Variants in KALRN observed in about 807,000 individuals in gnomAD.
KALRN encodes kalirin RhoGEF kinase, also known as kalirin.
Under a neutral mutation model 353.7 loss-of-function variants are expected in KALRN, and 70 were observed. The ratio of observed to expected loss-of-function variants is 0.20; its 90% CI spans 0.16 to 0.24. KALRN has a LOEUF of 0.24. Ranked by LOEUF, KALRN falls within the 10% of genes least tolerant of loss-of-function variation. The pLI is 1.00. For synonymous variants in KALRN, 1,391 were observed against 1,434.8 expected, an observed-to-expected ratio of 0.97 and a Z score of 0.69; for missense variants, 2,791 against 3,756.7, an observed-to-expected ratio of 0.74 and a Z score of 6.72.
intron 49 of KALRN, chr3:124,674,826 T>A: frequency 4.5e-6 from 2 of 439,894 alleles, no homozygotes; most frequent in Non-Finnish European, 3.9e-6. Context: ...GTGGTGGCGA[T>A]GATTTTTCTT....
intron 34 of KALRN, among the ~76,000 whole-genome samples, chr3:124,624,012 G>C (rs556283740): frequency 6.6e-6 from 1 of 152,318 alleles, no homozygotes; most frequent in South Asian, 2.1e-4. Context: ...GTTACCCACA[G>C]TCAACTGAGG....
chr3:124,478,893 T>C (rs928260491), intron 27 of KALRN, among the ~76,000 whole-genome samples: 3 of 152,188 alleles, frequency 2.0e-5, no homozygotes, highest in African/African-American at 7.2e-5. Context: ...TTGTGTCCTC[T>C]CCACACAACA....
intron 19 of KALRN, among the ~76,000 whole-genome samples, chr3:124,443,825 T>C (rs2093745305): frequency 6.6e-6 from 1 of 152,130 alleles, no homozygotes; most frequent in South Asian, 2.1e-4. Context: ...AGATCTGGGT[T>C]GATTCCCTCA....
intron 1 of KALRN, among the ~76,000 whole-genome samples, chr3:124,145,438 C>A (rs561239181): frequency 1.3e-5 from 2 of 152,318 alleles, no homozygotes; most frequent in Admixed American, 1.3e-4. Context: ...AGTATTGTAT[C>A]AGAGTTCCCT....
intron 6 of KALRN, among the ~76,000 whole-genome samples, chr3:124,319,229 G>A (rs543157454): frequency 6.6e-6 from 1 of 151,918 alleles, no homozygotes; most frequent in Admixed American, 6.5e-5. Context: ...AGTTTGGGAG[G>A]CTGAGAAGAC....
At chr3:124,222,296 G>A (rs1429986516) in intron 1 of KALRN, among the ~76,000 whole-genome samples, 1 of 152,192 alleles carries the variant, frequency 6.6e-6, no homozygotes, top group East Asian at 1.9e-4. Flanking sequence ...TAATGCCCTG[G>A]AGGGGGAATT....
At chr3:124,055,214 G>T (rs1272022534) in intron 1 of KALRN, among the ~76,000 whole-genome samples, 1 of 152,218 alleles carries the variant, frequency 6.6e-6, no homozygotes, top group Non-Finnish European at 1.5e-5. Flanking sequence ...ATAGGACTTG[G>T]TTATACAATT....
In KALRN at chr3:124,642,806, G is replaced by GTTGTTTTTTTTTTTTTTTTTTTTTTTT. The variant is rs796628603; in HGVS notation, c.5664+5505_5664+5506insGTTTTTTTTTTTTTTTTTTTTTTTTTT. ...TCTGTGGAAGAGATTCCCAAGCCTC[G>GTTGTTTTTTTTTTTTTTTTTTTTTTTT]TTTTTTTTTTTTTTTTTTTTGAGAC... On this transcript the variant is annotated intron_variant, in intron 37 of 59. Coordinates refer to ENST00000682506, the MANE Select transcript of KALRN (RefSeq NM_001388419.1). Among the ~76,000 whole-genome samples, 72 of 96,820 alleles carry GTTGTTTTTTTTTTTTTTTTTTTTTTTT rather than the reference G, an allele frequency of 7.4e-4. 10 individuals carry two copies. In the East Asian group the frequency reaches 0.012, roughly 16 times the overall value. The allele number at this position is 96,820 out of a possible 152,430, so 63.5% of individuals were successfully genotyped here.
intron 1 of KALRN, among the ~76,000 whole-genome samples, chr3:124,131,775 C>T (rs758135089): frequency 2.6e-5 from 4 of 152,112 alleles, no homozygotes; most frequent in Non-Finnish European, 5.9e-5. Flanking sequence ...CCAGGTGAAG[C>T]CCTTGGACTA....
chr3:124,249,907 C>T (rs2070878962), intron 3 of KALRN, among the ~76,000 whole-genome samples: 1 of 152,174 alleles, frequency 6.6e-6, no homozygotes. Context: ...GGTTTTTCCT[C>T]CATGTAAACC....
intron 23 of KALRN, among the ~76,000 whole-genome samples, chr3:124,457,598 G>A (rs1204582066): frequency 6.6e-6 from 1 of 152,158 alleles, no homozygotes; most frequent in African/African-American, 2.4e-5. Flanking sequence ...TACATAAAGT[G>A]CCTTTACACA....
At chr3:124,688,986 T>A (rs2061686510) in intron 51 of KALRN, among the ~76,000 whole-genome samples, 1 of 152,226 alleles carries the variant, frequency 6.6e-6, no homozygotes, top group Admixed American at 6.5e-5. Flanking sequence ...TTGTGGTGGT[T>A]CTTGTTCTCG....
intron 11 of KALRN, among the ~76,000 whole-genome samples, chr3:124,389,308 A>G (rs2088954161): frequency 6.6e-6 from 1 of 152,196 alleles, no homozygotes. Context: ...AAATGATTTA[A>G]CCTAGACTTC....
rs1448727495 is a variant in KALRN, at chr3:124,495,955, G to GTATATATA, written c.4833-355_4833-354insATATATAT. Among the ~76,000 whole-genome samples the GTATATATA allele has an allele frequency of 8.0e-4, 22 of 27,412 alleles. 3 individuals carry two copies. The highest frequency in any genetic ancestry group is 0.015 in the Middle Eastern group (1 of 66). 18.0% of individuals were successfully genotyped at this position (27,412 alleles called of 152,430 possible). On this transcript the variant is annotated intron_variant, in intron 32 of 59. Transcript: ENST00000682506. ...CAGACCCGTTCCCAAGTGTGTGTAT[G>GTATATATA]TGTATGTATGTATATATATATATAT...
At chr3:124,192,213 C>T (rs932135966) in intron 1 of KALRN, among the ~76,000 whole-genome samples, 3 of 152,210 alleles carry the variant, frequency 2.0e-5, no homozygotes, top group Admixed American at 6.5e-5. Flanking sequence ...GTGTCCTAGT[C>T]ATTTGCAACA....
At chr3:124,217,827 C>T (rs1049840125) in intron 1 of KALRN, among the ~76,000 whole-genome samples, 4 of 152,132 alleles carry the variant, frequency 2.6e-5, no homozygotes, top group Admixed American at 6.5e-5. Context: ...GCTGTCAGAC[C>T]GTACCTGCAG....
At chr3:124,445,076 A>G (rs1363225258) in intron 19 of KALRN, among the ~76,000 whole-genome samples, 1 of 152,206 alleles carries the variant, frequency 6.6e-6, no homozygotes, top group Non-Finnish European at 1.5e-5. Flanking sequence ...CAGGCTCTGA[A>G]GTCAGATTTG....
At chr3:124,260,552 G>C (rs182632822) in intron 3 of KALRN, among the ~76,000 whole-genome samples, 1 of 152,292 alleles carries the variant, frequency 6.6e-6, no homozygotes, top group Non-Finnish European at 1.5e-5. Flanking sequence ...TTGGACCCTG[G>C]AAAGAGATAC....
intron 51 of KALRN, among the ~76,000 whole-genome samples, chr3:124,687,860 G>GA (rs1252077291): frequency 1.3e-5 from 2 of 149,446 alleles, no homozygotes; most frequent in Non-Finnish European, 3.0e-5. Context: ...CTGGGTAAAA[G>GA]AAAAAAATCA....
Sources: gnomAD v4.1 joint callset for allele counts (sites outside exome capture counted in the v4.1 genomes callset) on GRCh38, gnomAD v4.1.1 for gene constraint, MANE v1.5 for transcripts, NCBI Gene and HGNC (gene_info 2026-07-23, HGNC 2026-07-21) for gene names.